The following RSPO4 variants were observed in gnomAD, a reference collection of about 807,000 sequenced individuals.
The protein encoded by RSPO4 is R-spondin-4.
In RSPO4, 23 loss-of-function variants were observed where a neutral mutation model predicts 24.8. The observed-to-expected ratio is 0.93, with a 90% CI of 0.67 to 1.31. The LOEUF is 1.31. RSPO4 is among the 40% of genes most tolerant of loss of function. The pLI is 0.00. For missense variants in RSPO4, 333 were observed against 316.5 expected (o/e 1.05, Z -0.39); for synonymous variants, 141 against 127.4 (o/e 1.11, Z -0.72).
chr20:991,482 C>T (rs1222880100), intron 1 of RSPO4, among the ~76,000 whole-genome samples: 2 of 151,494 alleles, frequency 1.3e-5, no homozygotes, highest in African/African-American at 4.9e-5. Flanking sequence ...TACAAGGAAG[C>T]CCTACAAATT....
At chr20:979,258 C>T (rs1600095303) in intron 1 of RSPO4, among the ~76,000 whole-genome samples, 1 of 152,280 alleles carries the variant, frequency 6.6e-6, no homozygotes, top group Non-Finnish European at 1.5e-5. Context: ...CTGCCAAGAC[C>T]ACTCCCACCA....
At chr20:994,294 G>T (rs746252288) in intron 1 of RSPO4, among the ~76,000 whole-genome samples, 1 of 152,142 alleles carries the variant, frequency 6.6e-6, no homozygotes. Context: ...GCTCCCCAGG[G>T]TCCACCCCCA....
At chr20:994,546 C>A (rs1985212203) in intron 1 of RSPO4, among the ~76,000 whole-genome samples, 1 of 152,130 alleles carries the variant, frequency 6.6e-6, no homozygotes, top group South Asian at 2.1e-4. Flanking sequence ...CGAAAGCCCT[C>A]CAGCTTCCAT....
At chr20:977,292 T>C (rs1054599481) in intron 1 of RSPO4, among the ~76,000 whole-genome samples, 1 of 152,242 alleles carries the variant, frequency 6.6e-6, no homozygotes, top group Admixed American at 6.5e-5. Flanking sequence ...GGGCCCACAC[T>C]TTGAGAACTA....
intron 1 of RSPO4, among the ~76,000 whole-genome samples, chr20:995,875 A>C (rs796612663): frequency 4.6e-5 from 7 of 152,304 alleles, no homozygotes; most frequent in African/African-American, 1.7e-4. Context: ...ACAGTAGTAC[A>C]CACGTGCACA....
intron 1 of RSPO4, among the ~76,000 whole-genome samples, chr20:968,400 C>T (rs1042969040): frequency 6.6e-6 from 1 of 152,258 alleles, no homozygotes; most frequent in Non-Finnish European, 1.5e-5. Flanking sequence ...GTCGTCCCCT[C>T]ATCCTTTCTG....
In RSPO4 at chr20:970,639, A is replaced by C. The variant is rs1341981150; in HGVS notation, c.80-2501T>G. Among the ~76,000 whole-genome samples the C allele has an allele frequency of 6.6e-6, 1 of 152,128 alleles. No homozygotes were observed. The highest frequency in any genetic ancestry group is 2.4e-5 in the African/African-American group (1 of 41,410). On this transcript the variant is annotated intron_variant, in intron 1 of 4. Coordinates refer to ENST00000217260, the MANE Select transcript of RSPO4 (RefSeq NM_001029871.4). This position sits in a 1 kb window ranked among gnomAD's most constrained non-coding sequence, Gnocchi z 4.1. ...GGGAGATTCCCAGAGCCAGAGAAAT[A>C]AGAACATCCACTGAGAATTTAGCAG...
intron 1 of RSPO4, among the ~76,000 whole-genome samples, chr20:986,580 G>A (rs1302928215): frequency 6.9e-6 from 1 of 145,920 alleles, no homozygotes; most frequent in African/African-American, 2.5e-5. Flanking sequence ...ATAGCTGAAA[G>A]TTACCAGAAA....
At position 958,612 on chromosome 20, in the gene RSPO4, G is replaced by C. The variant is rs1983868911; in HGVS notation, c.*1745C>G. On this transcript the variant is annotated 3_prime_UTR_variant, in exon 5 of 5. Coordinates refer to ENST00000217260, the MANE Select transcript of RSPO4 (RefSeq NM_001029871.4). ...GCTCTAGCTGTTCTCGGGGAGGTGA[G>C]AGCAGGGAAGTCAGAGAGAGGGTGG... 6.6e-6 allele frequency: 1 copy of C among 150,564 alleles called. No individual in the cohort carries two copies. The allele number at this position is 150,564 out of a possible 1,614,324, so 9.3% of individuals were successfully genotyped here.
intron 1 of RSPO4, among the ~76,000 whole-genome samples, chr20:990,583 T>C (rs1321553029): frequency 6.6e-6 from 1 of 151,372 alleles, no homozygotes; most frequent in Non-Finnish European, 1.5e-5. Context: ...TCTTTCCCTC[T>C]CTCTCTTCCT....
chr20:985,222 CACCCACCCATAT>C (rs1279705321), intron 1 of RSPO4, among the ~76,000 whole-genome samples: 83 of 144,404 alleles, frequency 5.7e-4, no homozygotes, highest in African/African-American at 1.1e-3. Context: ...TCCATCCATC[CACCCACCCATAT>C]ATCCATCCAC....
chr20:982,999 C>T (rs4813885), intron 1 of RSPO4, among the ~76,000 whole-genome samples: 21 of 152,218 alleles, frequency 1.4e-4, no homozygotes, highest in Non-Finnish European at 2.2e-4. Context: ...CCCAGGAGGC[C>T]TCCTCTGGGG....
At chr20:963,874 G>A (rs1984085366) in intron 4 of RSPO4, 61 bp downstream of exon 4, 1 of 1,537,478 alleles carries the variant, frequency 6.5e-7, no homozygotes, top group African/African-American at 1.4e-5. Flanking sequence ...AGTGATCTGA[G>A]TCCGCCCTGT....
intron 1 of RSPO4, 147 bp from the exon 2 acceptor site, chr20:968,285 C>G: frequency 1.4e-6 from 1 of 700,022 alleles, no homozygotes; most frequent in Non-Finnish European, 2.5e-6. Context: ...CCTTCCCTTA[C>G]AACTAGATAT....
intron 1 of RSPO4, among the ~76,000 whole-genome samples, chr20:997,640 G>A (rs889961724): frequency 1.5e-4 from 23 of 152,118 alleles, no homozygotes; most frequent in Non-Finnish European, 2.8e-4. Flanking sequence ...CTTTGTTCGT[G>A]CCCAGCGATG....
At chr20:963,810 T>C (rs978755473) in intron 4 of RSPO4, 125 bp downstream of exon 4, 8 of 964,044 alleles carry the variant, frequency 8.3e-6, no homozygotes, top group Admixed American at 1.8e-5. Context: ...CTCCACATGA[T>C]AGTATGGCTA....
chr20:986,699 C>T (rs1378563968), intron 1 of RSPO4, among the ~76,000 whole-genome samples: 1 of 151,284 alleles, frequency 6.6e-6, no homozygotes, highest in Non-Finnish European at 1.5e-5. Flanking sequence ...TTGTAACCCT[C>T]TGTTACAACT....
chr20:986,030 T>C (rs2122250203), intron 1 of RSPO4, among the ~76,000 whole-genome samples: 1 of 152,370 alleles, frequency 6.6e-6, no homozygotes, highest in Admixed American at 6.5e-5. Context: ...CTATATTTGG[T>C]CAAGTGGACA....
At chr20:960,542 A>G (rs1983959885) in intron 4 of RSPO4, 76 bp from the exon 5 acceptor site, 1 of 1,099,424 alleles carries the variant, frequency 9.1e-7, no homozygotes, top group Non-Finnish European at 1.3e-6. Context: ...CAGTCCTGAA[A>G]GACAAGGGTG....
Sources: gnomAD v4.1 joint callset for allele counts (sites outside exome capture counted in the v4.1 genomes callset) on GRCh38, gnomAD v4.1.1 for gene constraint, Gnocchi (gnomAD v3.1) non-coding constraint, MANE v1.5 for transcripts, NCBI Gene and HGNC (gene_info 2026-07-23, HGNC 2026-07-21) for gene names.